Variants in CRTC1 observed in about 807,000 individuals in gnomAD.
CRTC1 encodes the protein CREB regulated transcription coactivator 1.
A neutral mutation model predicts 66.1 loss-of-function variants in CRTC1; 18 were observed. That is an observed-to-expected ratio of 0.27 (90% CI 0.19 to 0.40). CRTC1 has a LOEUF of 0.40. Among genes scored for constraint, CRTC1 ranks in the 10% least tolerant of loss-of-function variants. The pLI, the probability that CRTC1 is intolerant of heterozygous loss-of-function variation, is 1.00. For synonymous variants in CRTC1, 416 were observed against 398.8 expected (o/e 1.04, Z -0.51); for missense variants, 669 against 887.9 (o/e 0.75, Z 3.13).
chr19:18,757,911 G>A (rs528961547), intron 6 of CRTC1, among the ~76,000 whole-genome samples: 12 of 151,458 alleles, frequency 7.9e-5, no homozygotes, highest in Admixed American at 3.3e-4. Context: ...CCAGCTACTC[G>A]GGAGGCTGAG....
rs1319024308 is a variant in CRTC1, at chr19:18,745,992, GC to G, written c.381+34del. On this transcript the variant is annotated intron_variant, in intron 3 of 13. Transcript: ENST00000321949. Reference sequence around the variant, plus strand: ...TTTTCACCAGAGGATGAGGGTGGGGGCCAGGCCCTGTCGGTGCCGGCAGGAC... The same window carrying G: ...TTTTCACCAGAGGATGAGGGTGGGGGCAGGCCCTGTCGGTGCCGGCAGGAC... The G allele has an allele frequency of 6.9e-6, 11 of 1,583,514 alleles. No homozygotes were observed. The Admixed American group carries it at 8.7e-5, about 13-fold the overall frequency.
chr19:18,693,776 G>A (rs540610849), intron 1 of CRTC1, among the ~76,000 whole-genome samples: 2 of 149,430 alleles, frequency 1.3e-5, no homozygotes, highest in South Asian at 2.3e-4. Flanking sequence ...CACCATTCCC[G>A]GCCCGCTTAA....
chr19:18,742,950 G>A lies in CRTC1; in HGVS notation c.167G>A (p.Ser56Asn). The A allele has an allele frequency of 6.2e-7, 1 of 1,614,008 alleles. No individual in the cohort carries two copies. The highest frequency in any genetic ancestry group is 1.7e-5 in the Admixed American group (1 of 60,022). Residue 56 changes from serine to asparagine, a missense_variant, in exon 2 of 14, where the codon AGC becomes AAC. Physicochemically the swap from Ser to Asn is conservative, Grantham distance 46. Coordinates refer to ENST00000321949, the MANE Select transcript of CRTC1 (RefSeq NM_015321.3). Reference protein sequence around the residue: ...QKSQYLQLGPSRGQYYGGSLP... With the variant: ...QKSQYLQLGPNRGQYYGGSLP... ...TCCCAGTACCTGCAACTGGGCCCCA[G>A]CCGAGGCCAGTACTATGGCGGGTCC... is the stretch of plus-strand genomic sequence containing the variant.
At chr19:18,747,135 C>CA in intron 4 of CRTC1, 21 bp downstream of exon 4, 4 of 853,542 alleles carry the variant, frequency 4.7e-6, no homozygotes, top group Non-Finnish European at 5.5e-6. Context: ...GGACACCCCC[C>CA]CCCCGCCCCC....
chr19:18,684,996 C>T (rs111285250), intron 1 of CRTC1, among the ~76,000 whole-genome samples: 33 of 152,204 alleles, frequency 2.2e-4, no homozygotes, highest in African/African-American at 7.5e-4. Context: ...GACCTCTCTC[C>T]TGCATCCTGG....
rs1030918226 is a variant in CRTC1 at position 18,718,750 on chromosome 19, A to G, written c.127-24160A>G. On this transcript the variant is annotated intron_variant, in intron 1 of 13. Coordinates refer to ENST00000321949, the MANE Select transcript of CRTC1 (RefSeq NM_015321.3). ...TTTTCCCACCTTTTGGCTGTTGTCC[A>G]TTGTGCTGGTACACACACTCATGTA... 3.3e-5 allele frequency among the ~76,000 whole-genome samples: 5 copies of G among 152,056 alleles called. No homozygotes were observed. In the South Asian group the frequency reaches 8.3e-4, roughly 25 times the overall value.
intron 4 of CRTC1, among the ~76,000 whole-genome samples, chr19:18,749,529 C>T (rs1415016227): frequency 2.0e-5 from 3 of 152,248 alleles, no homozygotes; most frequent in East Asian, 1.9e-4. Flanking sequence ...CCTCCTGTGT[C>T]GCTGGGACCA....
chr19:18,747,224 A>C, intron 4 of CRTC1, 110 bp downstream of exon 4: 1 of 766,066 alleles, frequency 1.3e-6, no homozygotes, highest in Non-Finnish European at 2.1e-6. Flanking sequence ...ACAATGACCA[A>C]ACTAAGATGC....
At chr19:18,712,198 A>G (rs901792398) in intron 1 of CRTC1, among the ~76,000 whole-genome samples, 8 of 151,868 alleles carry the variant, frequency 5.3e-5, no homozygotes, top group Non-Finnish European at 1.2e-4. Context: ...CTCCTGCCTC[A>G]GCCTCCCAAA....
intron 1 of CRTC1, among the ~76,000 whole-genome samples, chr19:18,720,372 GAC>G (rs1449822278): frequency 6.6e-6 from 1 of 151,334 alleles, no homozygotes; most frequent in South Asian, 2.1e-4. Context: ...TTTTTTTTGA[GAC>G]AGTCTCGCTC....
Position 18,768,808 on chromosome 19 carries a change from G to A in CRTC1, c.1320+15G>A. The stretch of plus-strand genomic sequence containing the variant: ...ACATCGCCTCGGTAAGCCCAGGGTG[G>A]GGTCCCTCGGGGCCTGACTGGGGGT... On this transcript the variant is annotated intron_variant, in intron 10 of 13. Coordinates refer to ENST00000321949, the MANE Select transcript of CRTC1 (RefSeq NM_015321.3). The surrounding 1 kb of genome is among the most constrained non-coding windows in gnomAD (Gnocchi z 5.6). 4 of 1,583,490 alleles carry A rather than the reference G, an allele frequency of 2.5e-6. No homozygotes were observed. Among genetic ancestry groups the A allele is most frequent in the Non-Finnish European group, 3.4e-6 (4 of 1,165,844 alleles).
intron 5 of CRTC1, among the ~76,000 whole-genome samples, chr19:18,751,870 C>G (rs1032256537): frequency 2.6e-5 from 4 of 152,084 alleles, no homozygotes; most frequent in African/African-American, 9.7e-5. Context: ...ACAGAACATG[C>G]AAGCTAGGGC....
Position 18,774,908 on chromosome 19 carries a change from C to A in CRTC1, c.1434C>A (p.Ser478=). The change falls in exon 12 of 14, where the codon TCC becomes TCA. Residue 478 remains serine (S), a synonymous_variant. Transcript: ENST00000321949. ...FSPGSSPQHT[S]TLGSVFGDAY... ...CTCTCTTCTGTCTGCAGCACACTTC[C>A]ACCCTGGGCAGCGTGTTTGGGGACG... 1.2e-6 allele frequency: 2 copies of A among 1,610,990 alleles called. No homozygotes were observed. Among genetic ancestry groups the A allele is most frequent in the Non-Finnish European group, 1.7e-6 (2 of 1,179,976 alleles).
chr19:18,686,902 G>C (rs947088915), intron 1 of CRTC1, among the ~76,000 whole-genome samples: 1 of 152,084 alleles, frequency 6.6e-6, no homozygotes, highest in Non-Finnish European at 1.5e-5. Flanking sequence ...TCTAGCATCT[G>C]GTGGGTGGAG....
intron 1 of CRTC1, among the ~76,000 whole-genome samples, chr19:18,729,160 T>G (rs1185677905): frequency 1.5e-5 from 2 of 137,394 alleles, no homozygotes; most frequent in African/African-American, 5.1e-5. Flanking sequence ...GCGCGGTGGC[T>G]CACGCCTGTA....
intron 8 of CRTC1, among the ~76,000 whole-genome samples, chr19:18,764,841 G>GTT (rs1232760227): frequency 2.6e-5 from 4 of 152,164 alleles, no homozygotes; most frequent in African/African-American, 9.7e-5. Flanking sequence ...ACTGAAGGAG[G>GTT]GCAAGATCCA....
At chr19:18,758,746 T>C (rs1197024176) in intron 6 of CRTC1, among the ~76,000 whole-genome samples, 2 of 152,202 alleles carry the variant, frequency 1.3e-5, no homozygotes, top group Non-Finnish European at 2.9e-5. Context: ...CCAAGCTTCC[T>C]GGGTCTCCCC....
Position 18,771,983 on chromosome 19 carries a change from C to T in CRTC1, c.1425+437C>T, listed in dbSNP as rs757439634. 5.9e-5 allele frequency among the ~76,000 whole-genome samples: 9 copies of T among 152,170 alleles called. No individual in the cohort carries two copies. The highest frequency in any genetic ancestry group is 1.0e-4 in the Non-Finnish European group (7 of 68,026). The stretch of plus-strand genomic sequence containing the variant: ...GGCGCTGACTCTGCAGCCCTGCTTT[C>T]CCCTTCACCCCATAGGCAGCTGTGT... On this transcript the variant is annotated intron_variant, in intron 11 of 13. Transcript: ENST00000321949. The surrounding 1 kb of genome is among the most constrained non-coding windows in gnomAD (Gnocchi z 4.6).
intron 1 of CRTC1, among the ~76,000 whole-genome samples, chr19:18,702,627 G>A (rs1339861340): frequency 2.7e-5 from 4 of 147,846 alleles, no homozygotes; most frequent in Admixed American, 6.9e-5. Flanking sequence ...TCCACCTCCC[G>A]GGTTCAAGCG....
Sources: allele counts gnomAD v4.1 joint callset (sites outside exome capture counted in the v4.1 genomes callset), GRCh38; gene constraint gnomAD v4.1.1; non-coding constraint Gnocchi (gnomAD v3.1); transcripts MANE v1.5; gene names NCBI Gene and HGNC (gene_info 2026-07-23, HGNC 2026-07-21).